The following PLCB1 variants were observed in gnomAD, a reference collection of about 807,000 sequenced individuals.
The protein encoded by PLCB1 is 1-phosphatidylinositol 4,5-bisphosphate phosphodiesterase beta-1.
PLCB1 carries 46 observed loss-of-function variants against 161.8 expected under a neutral mutation model. The observed-to-expected ratio is 0.28, with a 90% CI of 0.22 to 0.36. The LOEUF (loss-of-function observed/expected upper bound fraction) is 0.36, where lower values mean the gene tolerates loss of function less well. Among genes scored for constraint, PLCB1 ranks in the 10% least tolerant of loss-of-function variants. The pLI, the probability that PLCB1 is intolerant of heterozygous loss-of-function variation, is 1.00. For missense variants in PLCB1, 1,016 were observed against 1,472.5 expected (o/e 0.69, Z 5.07); for synonymous variants, 517 against 503.7 (o/e 1.03, Z -0.35).
chr20:8,529,200 G>T (rs1306145429), intron 3 of PLCB1, among the ~76,000 whole-genome samples: 2 of 152,028 alleles, frequency 1.3e-5, no homozygotes, highest in African/African-American at 2.4e-5. Flanking sequence ...CATCATAATT[G>T]TATTTAATTA....
chr20:8,296,166 G>GCCATTGAATATGTCAAGTTA (rs1212233472), intron 2 of PLCB1, among the ~76,000 whole-genome samples: 2 of 152,120 alleles, frequency 1.3e-5, no homozygotes, highest in African/African-American at 4.8e-5. Context: ...TCAGTAATTA[G>GCCATTGAATATGTCAAGTTA]CCATTGAATA....
intron 3 of PLCB1, among the ~76,000 whole-genome samples, chr20:8,384,946 G>T (rs974679621): frequency 6.6e-6 from 1 of 152,172 alleles, no homozygotes; most frequent in South Asian, 2.1e-4. Flanking sequence ...AACCTGATGC[G>T]AGTAGGATCG....
rs1241862411 is a variant in PLCB1 at position 8,516,707 on chromosome 20, ATATG to A, written c.247-111583_247-111580del. 5.4e-3 allele frequency among the ~76,000 whole-genome samples: 416 copies of A among 77,336 alleles called. 5 individuals are homozygous for A. The highest frequency in any genetic ancestry group is 0.017 in the Middle Eastern group (2 of 120). 50.7% of individuals were successfully genotyped at this position (77,336 alleles called of 152,430 possible). ...TATATATATATATATATATATATAT[ATATG>A]TATTCCATTTTGATGCTATATACTA... On this transcript the variant is annotated intron_variant, in intron 3 of 31. Transcript: ENST00000338037.
chr20:8,711,732 C>G (rs760489727), intron 12 of PLCB1, among the ~76,000 whole-genome samples: 9 of 152,162 alleles, frequency 5.9e-5, no homozygotes, highest in Non-Finnish European at 1.3e-4. Flanking sequence ...TTTCCCTTCG[C>G]TGGTAAAACC....
intron 2 of PLCB1, among the ~76,000 whole-genome samples, chr20:8,351,708 CAT>C (rs1986184389): frequency 6.6e-6 from 1 of 151,890 alleles, no homozygotes; most frequent in African/African-American, 2.4e-5. Context: ...CCAAAGAAAA[CAT>C]ACAAACATAA....
chr20:8,688,691 C>G (rs1267774679), intron 10 of PLCB1, among the ~76,000 whole-genome samples: 1 of 152,058 alleles, frequency 6.6e-6, no homozygotes, highest in Non-Finnish European at 1.5e-5. Flanking sequence ...TCTATTCTGT[C>G]CCATTGTTCT....
chr20:8,480,753 A>T (rs534295310), intron 3 of PLCB1, among the ~76,000 whole-genome samples: 6 of 152,216 alleles, frequency 3.9e-5, no homozygotes, highest in African/African-American at 1.4e-4. Flanking sequence ...ACATGGTGTT[A>T]TAAGCAGACT....
At chr20:8,572,185 GT>G (rs1328823623) in intron 3 of PLCB1, among the ~76,000 whole-genome samples, 1 of 152,092 alleles carries the variant, frequency 6.6e-6, no homozygotes, top group Admixed American at 6.6e-5. Context: ...ACATGCCTAT[GT>G]TTTTTGTTCT....
chr20:8,222,037 T>C (rs1480952968), intron 2 of PLCB1, among the ~76,000 whole-genome samples: 1 of 152,194 alleles, frequency 6.6e-6, no homozygotes, highest in Admixed American at 6.5e-5. Context: ...TTTACATGCT[T>C]CTTGGTTCCA....
chr20:8,277,834 G>C (rs1031938769), intron 2 of PLCB1, among the ~76,000 whole-genome samples: 2 of 152,068 alleles, frequency 1.3e-5, no homozygotes, highest in African/African-American at 4.8e-5. Flanking sequence ...TCATAGACTG[G>C]TAAAAGTGCA....
chr20:8,207,531 G>T (rs113224081), intron 2 of PLCB1, among the ~76,000 whole-genome samples: 24 of 146,288 alleles, frequency 1.6e-4, no homozygotes, highest in African/African-American at 6.6e-4. Context: ...TCCCAGAGGT[G>T]GTATTTTCTT....
Position 8,790,238 on chromosome 20 carries a change from C to A in PLCB1, c.3400C>A (p.Gln1134Lys). Residue 1134 changes from glutamine to lysine, a missense_variant, in exon 31 of 32, where the codon CAG becomes AAG. Transcript: ENST00000338037. ...LVEKHKEIRQ[Q>K]ILDEKPKLQV... ...AGAGAAACACAAGGAAATACGTCAGCAGATCCTGGATGAAAAGCCCAAGGT... is the reference window on the plus strand; with the variant it reads ...AGAGAAACACAAGGAAATACGTCAGAAGATCCTGGATGAAAAGCCCAAGGT... 1.2e-6 allele frequency: 2 copies of A among 1,611,174 alleles called. No homozygotes were observed. Among genetic ancestry groups the A allele is most frequent in the Non-Finnish European group, 1.7e-6 (2 of 1,178,050 alleles).
chr20:8,622,327 T>G (rs1431417491), intron 3 of PLCB1, among the ~76,000 whole-genome samples: 1 of 152,100 alleles, frequency 6.6e-6, no homozygotes, highest in African/African-American at 2.4e-5. Context: ...ATAGAATACA[T>G]GAAGATTAAT....
At chr20:8,631,261 C>T (rs1033059796) in intron 4 of PLCB1, among the ~76,000 whole-genome samples, 1 of 152,208 alleles carries the variant, frequency 6.6e-6, no homozygotes, top group Non-Finnish European at 1.5e-5. Flanking sequence ...CCAGGCACCA[C>T]ACTTTGACAA....
At chr20:8,168,711 TA>T (rs2051701460) in intron 2 of PLCB1, among the ~76,000 whole-genome samples, 1 of 151,998 alleles carries the variant, frequency 6.6e-6, no homozygotes, top group South Asian at 2.1e-4. Context: ...TTTTTCTTCC[TA>T]AATGATTTGG....
At chr20:8,800,552 G>A (rs938261744) in intron 31 of PLCB1, among the ~76,000 whole-genome samples, 4 of 152,060 alleles carry the variant, frequency 2.6e-5, no homozygotes, top group Non-Finnish European at 2.9e-5. Flanking sequence ...AATGGATTTC[G>A]CCCTATCTAA....
chr20:8,167,226 A>G (rs963073966), intron 2 of PLCB1, among the ~76,000 whole-genome samples: 6 of 152,116 alleles, frequency 3.9e-5, no homozygotes, highest in African/African-American at 1.4e-4. Context: ...TGACTGCTGT[A>G]TTTTCATGAG....
intron 3 of PLCB1, among the ~76,000 whole-genome samples, chr20:8,401,137 T>A: frequency 7.0e-6 from 1 of 142,244 alleles, no homozygotes; most frequent in Non-Finnish European, 1.5e-5. Context: ...TTTCTTCTAC[T>A]GTGAGTGGAG....
At chr20:8,446,601 A>G (rs947968828) in intron 3 of PLCB1, among the ~76,000 whole-genome samples, 7 of 152,220 alleles carry the variant, frequency 4.6e-5, no homozygotes, top group Admixed American at 1.3e-4. Context: ...TTCAATTAGG[A>G]AAAGAGGGAG....
Sources: allele counts gnomAD v4.1 joint callset (sites outside exome capture counted in the v4.1 genomes callset), GRCh38; gene constraint gnomAD v4.1.1; transcripts MANE v1.5; gene names NCBI Gene and HGNC (gene_info 2026-07-23, HGNC 2026-07-21).